EIF4G1: variants seen among roughly 807,000 people sequenced by gnomAD.
EIF4G1 encodes the protein EIF4-gamma.
In EIF4G1, 4 loss-of-function variants were observed where a neutral mutation model predicts 187.8. The observed-to-expected ratio is 0.02, with a 90% CI of 0.01 to 0.05. The LOEUF is 0.05. Ranked by LOEUF, EIF4G1 falls within the 10% of genes least tolerant of loss-of-function variation. The pLI, the probability that EIF4G1 is intolerant of heterozygous loss-of-function variation, is 1.00. For synonymous variants in EIF4G1, 844 were observed against 781.4 expected, an observed-to-expected ratio of 1.08 and a Z score of -1.34; for missense variants, 1,647 against 2,081.1, an observed-to-expected ratio of 0.79 and a Z score of 4.06.
rs1459128187 is a variant in EIF4G1 at position 184,323,750 on chromosome 3, C to T, written c.2275-30C>T. On this transcript the variant is annotated intron_variant, in intron 15 of 32. Coordinates refer to ENST00000346169, the MANE Select transcript of EIF4G1 (RefSeq NM_198241.3). This position sits in a 1 kb window ranked among gnomAD's most constrained non-coding sequence, Gnocchi z 6.9. The stretch of plus-strand genomic sequence containing the variant: ...TCCCAACAGCCTGTTCTGAGACCCT[C>T]ACTGGAACTCTTGTCTCTTCTCCCT... 5 of 1,612,652 alleles carry T rather than the reference C, an allele frequency of 3.1e-6. 1 individual carries two copies. The South Asian group carries it at 3.3e-5, about 11-fold the overall frequency.
Position 184,322,465 on chromosome 3 carries a change from AAT to A in EIF4G1, c.1608+16_1608+17del. 1.9e-6 allele frequency: 3 copies of A among 1,614,044 alleles called. No homozygotes were observed. Among genetic ancestry groups the A allele is most frequent in the Non-Finnish European group, 1.7e-6 (2 of 1,179,996 alleles). On this transcript the variant is annotated intron_variant, in intron 11 of 32. Transcript: ENST00000346169. ...CCTTCAAGGAGGTAAGGGAGCAGAA[AAT>A]GGGAGGGGAGAGGGCCAAGTTGAGG... is the stretch of plus-strand genomic sequence containing the variant.
intron 23 of EIF4G1, 44 bp downstream of exon 23, chr3:184,327,027 G>A (rs764215649): frequency 3.0e-5 from 48 of 1,611,602 alleles, no homozygotes; most frequent in Non-Finnish European, 3.9e-5. Flanking sequence ...TGGGGGTACC[G>A]TGATTGGGTT....
At chr3:184,318,221 T>C (rs1271847029) in intron 6 of EIF4G1, among the ~76,000 whole-genome samples, 1 of 152,232 alleles carries the variant, frequency 6.6e-6, no homozygotes, top group African/African-American at 2.4e-5. Flanking sequence ...TTTGATCACC[T>C]ATCAGGAAAA....
At chr3:184,322,150 G>A (rs747158604) in intron 10 of EIF4G1, 47 bp downstream of exon 10, 4 of 1,612,524 alleles carry the variant, frequency 2.5e-6, no homozygotes, top group Admixed American at 1.7e-5. Context: ...AGGGGATATC[G>A]TTCCTTGCCC....
intron 21 of EIF4G1, 58 bp from the exon 22 acceptor site, chr3:184,326,469 C>T: frequency 6.3e-7 from 1 of 1,585,170 alleles, no homozygotes. Context: ...TATGGTGGTG[C>T]TGGCCAAGGG....
chr3:184,317,227 A>T, intron 4 of EIF4G1, 94 bp from the exon 5 acceptor site: 2 of 1,413,580 alleles, frequency 1.4e-6, no homozygotes, highest in Non-Finnish European at 1.0e-6. Context: ...AGCCCACAGT[A>T]CTTCTTTCCA....
Position 184,319,730 on chromosome 3 carries a change from A to T in EIF4G1, c.466A>T (p.Thr156Ser). The T allele has an allele frequency of 6.2e-7, 1 of 1,606,686 alleles. No individual in the cohort carries two copies. The highest frequency in any genetic ancestry group is 1.1e-5 in the South Asian group (1 of 89,596). The change falls in exon 7 of 33, where the codon ACT becomes TCT. Residue 156 changes from threonine to serine, a missense_variant. By Grantham distance (58) the Thr-to-Ser change is moderately conservative. Around this residue, in one of 11 missense-constraint regions of EIF4G1, gnomAD observed 139 missense variants for 187.3 expected, o/e 0.74. Transcript: ENST00000346169. ...YPAQGVQQFP[T>S]GVAPTPVLMN... ...AGCCCAAGGGGTGCAGCAGTTTCCC[A>T]CTGGCGTGGCCCCCACCCCAGTTTT...
intron 6 of EIF4G1, 116 bp downstream of exon 6, chr3:184,317,932 A>G: frequency 1.3e-6 from 1 of 782,114 alleles, no homozygotes; most frequent in Non-Finnish European, 2.2e-6. Flanking sequence ...TAAAAATGAT[A>G]AGGTTAATAG....
Position 184,321,345 on chromosome 3 carries a change from C to G in EIF4G1, c.761C>G (p.Pro254Arg), listed in dbSNP as rs528310917. 8.1e-6 allele frequency: 13 copies of G among 1,614,140 alleles called. No homozygotes were observed. In the South Asian group the frequency reaches 1.3e-4, roughly 16 times the overall value. The change falls in exon 10 of 33, where the codon CCT (proline) becomes CGT (arginine). Residue 254 changes from proline to arginine, a missense_variant. Pro to Arg is a moderately radical substitution (Grantham distance 103, BLOSUM62 -2). Coordinates refer to ENST00000346169, the MANE Select transcript of EIF4G1 (RefSeq NM_198241.3). ...RPGLPGPEHSPSESQPSSPSP... is the reference protein window; with the variant it reads ...RPGLPGPEHSRSESQPSSPSP... ...GGGCTGCCTGGCCCAGAGCATAGCC[C>G]TTCAGAATCCCAGCCTTCGTCGCCT...
At chr3:184,329,831 GA>G (rs926758914) in intron 28 of EIF4G1, among the ~76,000 whole-genome samples, 1 of 152,202 alleles carries the variant, frequency 6.6e-6, no homozygotes, top group African/African-American at 2.4e-5. Flanking sequence ...AAGAGATGGG[GA>G]AAGGTAAGTT....
At chr3:184,317,596 C>G in intron 5 of EIF4G1, 99 bp downstream of exon 5, 1 of 1,556,182 alleles carries the variant, frequency 6.4e-7, no homozygotes, top group Non-Finnish European at 8.8e-7. Context: ...AGAGGTGGGA[C>G]TTCCTTCTGG....
In EIF4G1 at chr3:184,320,732, G is replaced by A. The variant is rs758105706; in HGVS notation, c.630+10G>A. ...ACCCACCCCTCCCCAGGTACTGTCT[G>A]CTTTTCGAGTGATACCCTGGCTGGG... On this transcript the variant is annotated intron_variant, in intron 8 of 32. Coordinates refer to ENST00000346169, the MANE Select transcript of EIF4G1 (RefSeq NM_198241.3). The A allele has an allele frequency of 6.2e-7, 1 of 1,614,166 alleles. No individual in the cohort carries two copies. Among genetic ancestry groups the A allele is most frequent in the South Asian group, 1.1e-5 (1 of 91,084 alleles).
intron 1 of EIF4G1, 140 bp from the exon 2 acceptor site, chr3:184,315,349 G>T (rs748611694): frequency 3.7e-5 from 19 of 519,294 alleles, no homozygotes; most frequent in East Asian, 5.4e-5. Flanking sequence ...GTCCCCGGGT[G>T]GGGGGTGGGG....
intron 6 of EIF4G1, chr3:184,319,273 C>G: frequency 9.7e-6 from 2 of 206,474 alleles, no homozygotes; most frequent in South Asian, 1.6e-4. Context: ...TCATTACCAG[C>G]CAAAGACCTG....
Position 184,331,505 on chromosome 3 carries a change from G to A in EIF4G1, c.4294G>A (p.Ala1432Thr), listed in dbSNP as rs747354650. Residue 1432 changes from alanine to threonine, a missense_variant, in exon 30 of 33, where the codon GCC (alanine) becomes ACC (threonine). Ala to Thr is a moderately conservative substitution (Grantham distance 58, BLOSUM62 0). Transcript: ENST00000346169. ...VEYTLGEESE[A>T]PGQRALPSEE... ...GTATACCCTGGGAGAGGAGTCGGAAGCCCCTGGCCAGAGGGCACTCCCCTC... is the reference window on the plus strand; with the variant it reads ...GTATACCCTGGGAGAGGAGTCGGAAACCCCTGGCCAGAGGGCACTCCCCTC... 1 of 1,614,104 alleles carries A rather than the reference G, an allele frequency of 6.2e-7. No individual in the cohort carries two copies. The highest frequency in any genetic ancestry group is 1.7e-5 in the Admixed American group (1 of 59,996).
intron 28 of EIF4G1, among the ~76,000 whole-genome samples, chr3:184,329,464 C>T (rs976528162): frequency 1.3e-5 from 2 of 152,134 alleles, no homozygotes; most frequent in African/African-American, 4.8e-5. Flanking sequence ...AACCCCATCT[C>T]TACTAAAAAC....
At chr3:184,322,311 CCTT>C (rs1724044499) in intron 10 of EIF4G1, 48 bp from the exon 11 acceptor site, 1 of 1,578,946 alleles carries the variant, frequency 6.3e-7, no homozygotes, top group African/African-American at 1.4e-5. Flanking sequence ...TAAGGGTACT[CCTT>C]AAATTATTGG....
Position 184,321,599 on chromosome 3 carries a change from G to C in EIF4G1, c.1015G>C (p.Glu339Gln), listed in dbSNP as rs191357892. 1.4e-4 allele frequency: 225 copies of C among 1,614,072 alleles called. No homozygotes were observed. Among genetic ancestry groups the C allele is most frequent in the Non-Finnish European group, 1.9e-4 (219 of 1,179,942 alleles). The change falls in exon 10 of 33, where the codon GAG becomes CAG. Residue 339 changes from glutamate (E) to glutamine (Q), a missense_variant. Physicochemically the swap from Glu to Gln is conservative, Grantham distance 29. Around this residue, in one of 11 missense-constraint regions of EIF4G1, gnomAD observed 522 missense variants for 485.2 expected, o/e 1.08. Transcript: ENST00000346169. The part of the protein sequence containing the change: ...VTLSKPVPES[E>Q]FSSSPLQAPT... ...ACTTAGCAAACCGGTTCCAGAATCT[G>C]AGTTTTCTTCCAGTCCTCTCCAGGC...
intron 12 of EIF4G1, 39 bp downstream of exon 12, chr3:184,322,769 T>C: frequency 2.5e-6 from 4 of 1,614,222 alleles, no homozygotes; most frequent in Non-Finnish European, 3.4e-6. Context: ...TTGAGTTTTC[T>C]TATTAGGGCC....
Sources: allele counts gnomAD v4.1 joint callset (sites outside exome capture counted in the v4.1 genomes callset), GRCh38; gene constraint gnomAD v4.1.1; regional missense constraint gnomAD v4.1.1; non-coding constraint Gnocchi (gnomAD v3.1); transcripts MANE v1.5; gene names NCBI Gene and HGNC (gene_info 2026-07-23, HGNC 2026-07-21).